The following MYO9A variants were observed in gnomAD, a reference collection of about 807,000 sequenced individuals.
MYO9A encodes unconventional myosin-IXa.
In MYO9A, 103 loss-of-function variants were observed where a neutral mutation model predicts 293.3. That is an observed-to-expected ratio of 0.35 (90% CI 0.30 to 0.41). MYO9A has a LOEUF of 0.41. MYO9A is among the 10% of genes least tolerant of loss of function. MYO9A has a pLI of 1.00. For missense variants in MYO9A, 2,685 were observed against 3,033.0 expected (o/e 0.89, Z 2.69); for synonymous variants, 1,001 against 1,035.7 (o/e 0.97, Z 0.64).
At chr15:72,117,362 AC>A (rs1214951408) in intron 1 of MYO9A, among the ~76,000 whole-genome samples, 1 of 152,166 alleles carries the variant, frequency 6.6e-6, no homozygotes, top group East Asian at 1.9e-4. Flanking sequence ...GGAGGATGTA[AC>A]GTAGTCTAGA....
intron 32 of MYO9A, among the ~76,000 whole-genome samples, chr15:71,869,619 C>T (rs1468964437): frequency 1.3e-5 from 2 of 152,128 alleles, no homozygotes; most frequent in Non-Finnish European, 2.9e-5. Flanking sequence ...ACTTCTCTTG[C>T]AACTTTTCTA....
At chr15:72,031,398 A>G (rs2077865659) in intron 3 of MYO9A, among the ~76,000 whole-genome samples, 1 of 152,204 alleles carries the variant, frequency 6.6e-6, no homozygotes, top group African/African-American at 2.4e-5. Context: ...AGGCAGGAGA[A>G]TCACTTGAAC....
At chr15:71,870,216 A>T (rs903275740) in intron 32 of MYO9A, among the ~76,000 whole-genome samples, 2 of 141,346 alleles carry the variant, frequency 1.4e-5, no homozygotes, top group Non-Finnish European at 3.1e-5. Context: ...AAAAGTGGTT[A>T]AAAAAAAAAA....
intron 39 of MYO9A, among the ~76,000 whole-genome samples, chr15:71,836,340 A>C (rs541713250): frequency 6.6e-6 from 1 of 152,188 alleles, no homozygotes; most frequent in East Asian, 1.9e-4. Context: ...CACCCATCAG[A>C]ATAGCTAAAA....
Position 71,824,468 on chromosome 15 carries a change from T to A in MYO9A, c.*2112A>T, listed in dbSNP as rs1282080089. ...TTTTTCATACAGGATTTAACCAACATTCTGGAGCAAGTGCAGAGTAACAAT... is the reference window on the plus strand; with the variant it reads ...TTTTTCATACAGGATTTAACCAACAATCTGGAGCAAGTGCAGAGTAACAAT... On this transcript the variant is annotated 3_prime_UTR_variant, in exon 42 of 42. Coordinates refer to ENST00000356056, the MANE Select transcript of MYO9A (RefSeq NM_006901.4). 6.6e-6 allele frequency: 1 copy of A among 151,988 alleles called. No individual in the cohort carries two copies. Among genetic ancestry groups the A allele is most frequent in the East Asian group, 2.0e-4 (1 of 5,062 alleles). The allele number at this position is 151,988 out of a possible 1,614,324, so 9.4% of individuals were successfully genotyped here.
intron 18 of MYO9A, among the ~76,000 whole-genome samples, chr15:71,919,491 T>C (rs2058098103): frequency 6.6e-6 from 1 of 151,888 alleles, no homozygotes; most frequent in Non-Finnish European, 1.5e-5. Flanking sequence ...ATTCTAACTG[T>C]ACTGTGCATC....
intron 39 of MYO9A, 78 bp from the exon 40 acceptor site, chr15:71,830,389 G>A (rs1595982224): frequency 7.4e-7 from 1 of 1,347,766 alleles, no homozygotes. Flanking sequence ...GATAACAAGT[G>A]TATTTCCATC....
At chr15:72,083,675 G>A (rs986843226) in intron 1 of MYO9A, among the ~76,000 whole-genome samples, 1 of 152,146 alleles carries the variant, frequency 6.6e-6, no homozygotes, top group African/African-American at 2.4e-5. Context: ...CACTGCATTA[G>A]CTGTGTTCCA....
chr15:71,930,586 C>T (rs899551303), intron 18 of MYO9A, among the ~76,000 whole-genome samples: 2 of 151,974 alleles, frequency 1.3e-5, no homozygotes, highest in Non-Finnish European at 2.9e-5. Context: ...CTCTGTACAT[C>T]GTTAAAGCTA....
chr15:72,076,186 T>C (rs945738860), intron 1 of MYO9A, among the ~76,000 whole-genome samples: 12 of 151,634 alleles, frequency 7.9e-5, no homozygotes, highest in Admixed American at 7.2e-4. Flanking sequence ...GTGCCTGTAA[T>C]ACCAGCTACT....
intron 18 of MYO9A, among the ~76,000 whole-genome samples, chr15:71,927,293 C>G (rs2058337708): frequency 6.6e-6 from 1 of 152,188 alleles, no homozygotes; most frequent in Non-Finnish European, 1.5e-5. Flanking sequence ...AATATTTTCT[C>G]CCATTTACAG....
intron 28 of MYO9A, among the ~76,000 whole-genome samples, chr15:71,882,444 A>G (rs2056902732): frequency 6.6e-6 from 1 of 152,142 alleles, no homozygotes; most frequent in African/African-American, 2.4e-5. Context: ...GTACTTCTCA[A>G]ATGTGTTATG....
chr15:71,910,329 T>C lies in MYO9A; in HGVS notation c.2686-5323A>G, dbSNP rs572378949. On this transcript the variant is annotated intron_variant, in intron 19 of 41. Coordinates refer to ENST00000356056, the MANE Select transcript of MYO9A (RefSeq NM_006901.4). ...AAGATGATAAGTTAATTTTACCTAC[T>C]ATTAAAGTTCATATGAATGGAAAAA... Among the ~76,000 whole-genome samples the C allele has an allele frequency of 1.4e-4, 21 of 151,822 alleles. 1 individual carries two copies. The highest frequency in any genetic ancestry group is 5.1e-4 in the African/African-American group (21 of 41,470).
chr15:72,036,027 AAACTT>A (rs1164766139), intron 2 of MYO9A, among the ~76,000 whole-genome samples: 3 of 152,156 alleles, frequency 2.0e-5, no homozygotes, highest in Non-Finnish European at 2.9e-5. Context: ...TATTTCAAAA[AAACTT>A]AACTCCTCAA....
intron 39 of MYO9A, among the ~76,000 whole-genome samples, chr15:71,840,020 A>G (rs564436660): frequency 9.9e-5 from 15 of 152,280 alleles, no homozygotes; most frequent in African/African-American, 3.6e-4. Context: ...AAACCTGATA[A>G]AGGCAGGATG....
intron 6 of MYO9A, among the ~76,000 whole-genome samples, chr15:72,011,698 C>T (rs902028394): frequency 4.6e-5 from 7 of 152,172 alleles, no homozygotes; most frequent in African/African-American, 1.7e-4. Flanking sequence ...GGTAGACATA[C>T]TCTAAATCTT....
rs149818805 is a variant in MYO9A at position 71,826,746 on chromosome 15, T to C, written c.7481A>G (p.Asn2494Ser). 28 of 1,614,006 alleles carry C rather than the reference T, an allele frequency of 1.7e-5. No homozygotes were observed. Among genetic ancestry groups the C allele is most frequent in the Non-Finnish European group, 2.2e-5 (26 of 1,180,006 alleles). Residue 2494 changes from asparagine (N) to serine (S), a missense_variant, in exon 42 of 42, where the codon AAC (asparagine) becomes AGC (serine). Asn to Ser is a conservative substitution (Grantham distance 46, BLOSUM62 1). Transcript: ENST00000356056. ...KPQFISRGTF[N>S]PEKGKQKLKN... ...TAATTTTTGTTTGCCCTTTTCCGGG[T>C]TGAAGGTTCCTCTGCTGATGAACTG...
intron 12 of MYO9A, among the ~76,000 whole-genome samples, chr15:71,976,269 TTAGAG>T (rs900536903): frequency 5.9e-5 from 9 of 152,146 alleles, no homozygotes; most frequent in African/African-American, 2.2e-4. Context: ...TACTGTGGTG[TTAGAG>T]TAAAGGAAAA....
intron 39 of MYO9A, among the ~76,000 whole-genome samples, chr15:71,837,825 G>A (rs531222405): frequency 2.0e-5 from 3 of 152,198 alleles, no homozygotes; most frequent in Admixed American, 2.0e-4. Context: ...ACATAAGGTT[G>A]TATACCATTG....
Sources: allele counts gnomAD v4.1 joint callset (sites outside exome capture counted in the v4.1 genomes callset), GRCh38; gene constraint gnomAD v4.1.1; transcripts MANE v1.5; gene names NCBI Gene and HGNC (gene_info 2026-07-23, HGNC 2026-07-21).